DIP2B: variants seen among roughly 807,000 people sequenced by gnomAD.
DIP2B encodes disco-interacting protein 2 homolog B.
A neutral mutation model predicts 198.0 loss-of-function variants in DIP2B; 76 were observed. The observed-to-expected ratio is 0.38, with a 90% CI of 0.32 to 0.46. DIP2B has a LOEUF of 0.46. DIP2B is among the 20% of genes least tolerant of loss of function. The pLI is 0.99. For synonymous variants in DIP2B, 701 were observed against 739.1 expected, an observed-to-expected ratio of 0.95 and a Z score of 0.84; for missense variants, 1,559 against 1,978.4, an observed-to-expected ratio of 0.79 and a Z score of 4.02.
intron 1 of DIP2B, among the ~76,000 whole-genome samples, chr12:50,538,209 CCTT>C (rs746001801): frequency 3.9e-5 from 6 of 151,936 alleles, no homozygotes; most frequent in Non-Finnish European, 8.8e-5. Context: ...GCTGTTCTCT[CCTT>C]CTCTAATAAG....
At chr12:50,725,152 G>T (rs953420866) in intron 28 of DIP2B, among the ~76,000 whole-genome samples, 8 of 152,272 alleles carry the variant, frequency 5.3e-5, no homozygotes, top group African/African-American at 1.9e-4. Context: ...AGGTTTTTAT[G>T]CTACATGTGA....
intron 1 of DIP2B, among the ~76,000 whole-genome samples, chr12:50,516,243 C>A (rs367882617): frequency 1.5e-3 from 214 of 141,056 alleles, no homozygotes; most frequent in Non-Finnish European, 2.3e-3. Flanking sequence ...CTCTCTCTCT[C>A]TCTATCTCTA....
intron 37 of DIP2B, among the ~76,000 whole-genome samples, chr12:50,742,254 C>T (rs1940258326): frequency 6.6e-6 from 1 of 151,682 alleles, no homozygotes; most frequent in African/African-American, 2.4e-5. Context: ...AAAAAAATAG[C>T]CAGGTGTGGT....
rs1270542988 is a variant in DIP2B, at chr12:50,721,447, T to C, written c.3166+51T>C. 1.9e-6 allele frequency: 3 copies of C among 1,604,880 alleles called. No homozygotes were observed. In the South Asian group the frequency reaches 3.3e-5, roughly 18 times the overall value. On this transcript the variant is annotated intron_variant, in intron 26 of 37. Coordinates refer to ENST00000301180, the MANE Select transcript of DIP2B (RefSeq NM_173602.3). ...GTTTAAGCTCCAATACTAGACTGAC[T>C]ACAAATTATAAAAGGATAGGCACTC...
At chr12:50,519,730 TTTAATGTAAAAA>T (rs2139350298) in intron 1 of DIP2B, among the ~76,000 whole-genome samples, 1 of 152,208 alleles carries the variant, frequency 6.6e-6, no homozygotes, top group Non-Finnish European at 1.5e-5. Context: ...ATATTTAATG[TTTAATGTAAAAA>T]TTAATGTATA....
At chr12:50,526,626 CTTTTTTTTTTT>C (rs11423846) in intron 1 of DIP2B, among the ~76,000 whole-genome samples, 38 of 64,196 alleles carry the variant, frequency 5.9e-4, no homozygotes, top group South Asian at 5.8e-3. Flanking sequence ...TTTCCTCTGC[CTTTTTTTTTTT>C]TTTTTTTTTT....
Position 50,539,367 on chromosome 12 carries a change from A to G in DIP2B, c.100+34127A>G, listed in dbSNP as rs180889833. 3.9e-5 allele frequency among the ~76,000 whole-genome samples: 6 copies of G among 152,028 alleles called. No homozygotes were observed. The East Asian group carries it at 9.6e-4, about 24-fold the overall frequency. ...CACAGGCCGGGTGTGGTGTAATACC[A>G]GCACTTTTGAGAAACCTAGGCGGGT... On this transcript the variant is annotated intron_variant, in intron 1 of 37. Transcript: ENST00000301180.
intron 1 of DIP2B, among the ~76,000 whole-genome samples, chr12:50,613,615 G>A (rs1959049541): frequency 1.3e-5 from 2 of 152,128 alleles, no homozygotes; most frequent in South Asian, 4.1e-4. Context: ...GCCTGTTTGA[G>A]GTGACTGGCC....
At chr12:50,625,735 A>G (rs1233239274) in intron 1 of DIP2B, among the ~76,000 whole-genome samples, 1 of 152,146 alleles carries the variant, frequency 6.6e-6, no homozygotes, top group Non-Finnish European at 1.5e-5. Flanking sequence ...ATGGTATACA[A>G]CATATTGCTA....
chr12:50,542,182 A>G (rs1958332042), intron 1 of DIP2B, among the ~76,000 whole-genome samples: 1 of 143,084 alleles, frequency 7.0e-6, no homozygotes, highest in African/African-American at 2.6e-5. Flanking sequence ...CGGGAGGCAG[A>G]GCTTGCAGTG....
intron 13 of DIP2B, among the ~76,000 whole-genome samples, chr12:50,691,463 A>G (rs1939220966): frequency 6.6e-6 from 1 of 152,248 alleles, no homozygotes; most frequent in Non-Finnish European, 1.5e-5. Context: ...ATAGTGGGCT[A>G]CCAGCTATAC....
intron 2 of DIP2B, among the ~76,000 whole-genome samples, chr12:50,639,730 A>G (rs1438090653): frequency 1.1e-4 from 17 of 152,144 alleles, no homozygotes; most frequent in Admixed American, 1.1e-3. Context: ...GCTGGGCATA[A>G]CCGGGTGCTA....
intron 1 of DIP2B, among the ~76,000 whole-genome samples, chr12:50,612,373 TG>T (rs908013208): frequency 6.6e-6 from 1 of 152,170 alleles, no homozygotes; most frequent in East Asian, 1.9e-4. Context: ...TATTTCTTCT[TG>T]AGGGTGACAT....
intron 28 of DIP2B, among the ~76,000 whole-genome samples, chr12:50,725,132 A>G (rs1939908514): frequency 6.6e-6 from 1 of 152,160 alleles, no homozygotes; most frequent in Non-Finnish European, 1.5e-5. Flanking sequence ...GGCATCATAA[A>G]AAGGTGGTTA....
chr12:50,739,363 A>G (rs1940197699), intron 35 of DIP2B, 46 bp from the exon 36 acceptor site: 2 of 1,575,674 alleles, frequency 1.3e-6, no homozygotes, highest in African/African-American at 1.4e-5. Flanking sequence ...GAATTAATAC[A>G]GTTGTGTGTC....
chr12:50,723,090 C>G, intron 26 of DIP2B, 112 bp from the exon 27 acceptor site: 1 of 1,353,438 alleles, frequency 7.4e-7, no homozygotes, highest in South Asian at 1.4e-5. Flanking sequence ...AAATTATGGT[C>G]TACAGAACCT....
intron 4 of DIP2B, among the ~76,000 whole-genome samples, chr12:50,670,147 A>G (rs546613878): frequency 2.9e-5 from 3 of 104,058 alleles, no homozygotes; most frequent in Admixed American, 2.9e-4. Flanking sequence ...CCCCCCACCC[A>G]GCACGCTTTT....
At chr12:50,742,614 G>A (rs921584688) in intron 37 of DIP2B, among the ~76,000 whole-genome samples, 3 of 151,880 alleles carry the variant, frequency 2.0e-5, no homozygotes, top group South Asian at 2.1e-4. Context: ...TGCTCTTGTC[G>A]GCCGGAAGTG....
chr12:50,548,529 A>G (rs1439601213), intron 1 of DIP2B, among the ~76,000 whole-genome samples: 2 of 151,790 alleles, frequency 1.3e-5, no homozygotes, highest in Admixed American at 1.3e-4. Flanking sequence ...TTTTTAATTA[A>G]TTTTTTTGTT....
Sources: gnomAD v4.1 joint callset for allele counts (sites outside exome capture counted in the v4.1 genomes callset) on GRCh38, gnomAD v4.1.1 for gene constraint, MANE v1.5 for transcripts, NCBI Gene and HGNC (gene_info 2026-07-23, HGNC 2026-07-21) for gene names.